Variants in NSD3 observed in about 807,000 individuals in gnomAD.
The protein encoded by NSD3 is histone-lysine N-methyltransferase NSD3.
A neutral mutation model predicts 160.8 loss-of-function variants in NSD3; 24 were observed. That is an observed-to-expected ratio of 0.15 (90% CI 0.11 to 0.21). The LOEUF is 0.21. Among genes scored for constraint, NSD3 ranks in the 10% least tolerant of loss-of-function variants. The pLI is 1.00. For missense variants in NSD3, 1,157 were observed against 1,735.9 expected (o/e 0.67, Z 5.93); for synonymous variants, 520 against 600.0 (o/e 0.87, Z 1.95).
At chr8:38,372,347 A>C (rs1423097829) in intron 1 of NSD3, among the ~76,000 whole-genome samples, 1 of 152,184 alleles carries the variant, frequency 6.6e-6, no homozygotes, top group African/African-American at 2.4e-5. Context: ...TAAGGTACTA[A>C]GATTTCAAAT....
At chr8:38,344,392 C>T (rs1487414648) in intron 2 of NSD3, among the ~76,000 whole-genome samples, 2 of 152,166 alleles carry the variant, frequency 1.3e-5, no homozygotes, top group Non-Finnish European at 2.9e-5. Context: ...GTGCCTCGGC[C>T]TCCCGAATAG....
At chr8:38,375,680 T>C (rs1291036265) in intron 1 of NSD3, among the ~76,000 whole-genome samples, 1 of 151,936 alleles carries the variant, frequency 6.6e-6, no homozygotes, top group Admixed American at 6.5e-5. Context: ...AACTTATAAA[T>C]ATAATTCATA....
intron 1 of NSD3, among the ~76,000 whole-genome samples, chr8:38,352,324 C>T (rs1244661527): frequency 6.6e-6 from 1 of 151,720 alleles, no homozygotes; most frequent in Non-Finnish European, 1.5e-5. Context: ...AATAAGACTG[C>T]ACACAAGAAA....
chr8:38,311,473 T>C (rs745722445), intron 12 of NSD3, among the ~76,000 whole-genome samples: 10 of 152,158 alleles, frequency 6.6e-5, no homozygotes, highest in Non-Finnish European at 1.5e-4. Context: ...ATTATAGGCA[T>C]GTGCCACCAT....
intron 15 of NSD3, among the ~76,000 whole-genome samples, chr8:38,297,503 A>G (rs916781967): frequency 5.3e-5 from 8 of 152,212 alleles, no homozygotes; most frequent in Non-Finnish European, 1.0e-4. Flanking sequence ...CCCTCTATGC[A>G]ACTTTATCAA....
At position 38,321,046 on chromosome 8, in the gene NSD3, T is replaced by A; in HGVS notation, c.1809+26A>T. 6.3e-7 allele frequency: 1 copy of A among 1,593,704 alleles called. No homozygotes were observed. The highest frequency in any genetic ancestry group is 8.6e-7 in the Non-Finnish European group (1 of 1,163,370). On this transcript the variant is annotated intron_variant, in intron 8 of 23. Transcript: ENST00000317025. The surrounding 1 kb of genome is among the most constrained non-coding windows in gnomAD (Gnocchi z 4.7). ...CACAACATTTACAAATACAATGTTT[T>A]AACTCTCTACATGTAGGAAGCCAAC...
intron 19 of NSD3, among the ~76,000 whole-genome samples, chr8:38,283,732 C>G (rs1808786971): frequency 6.6e-6 from 1 of 152,166 alleles, no homozygotes; most frequent in East Asian, 1.9e-4. Flanking sequence ...AGCTGCGGAG[C>G]AGTCACTACC....
intron 12 of NSD3, among the ~76,000 whole-genome samples, chr8:38,306,895 A>G (rs1809410136): frequency 6.6e-6 from 1 of 152,088 alleles, no homozygotes; most frequent in Admixed American, 6.5e-5. Flanking sequence ...CGGGTGGATC[A>G]CAAGGTCAGG....
In NSD3 at chr8:38,275,546, G is replaced by T; in HGVS notation, c.*95C>A. On this transcript the variant is annotated 3_prime_UTR_variant, in exon 24 of 24. Coordinates refer to ENST00000317025, the MANE Select transcript of NSD3 (RefSeq NM_023034.2). ...TTTGCTTTAATAAGGCAGTTCCGAT[G>T]GCAAAGGCTGTATGCACTGTAGCAG... 1 of 1,247,326 alleles carries T rather than the reference G, an allele frequency of 8.0e-7. No individual in the cohort carries two copies. Among genetic ancestry groups the T allele is most frequent in the Non-Finnish European group, 1.1e-6 (1 of 910,350 alleles). 77.3% of individuals were successfully genotyped at this position (1,247,326 alleles called of 1,614,324 possible).
chr8:38,346,382 T>G (rs1221517066), intron 2 of NSD3, among the ~76,000 whole-genome samples: 2 of 147,764 alleles, frequency 1.4e-5, no homozygotes, highest in African/African-American at 4.9e-5. Flanking sequence ...TATATATGTA[T>G]ATATAAATAT....
intron 1 of NSD3, among the ~76,000 whole-genome samples, chr8:38,348,449 G>T (rs1810587289): frequency 6.6e-6 from 1 of 151,932 alleles, no homozygotes; most frequent in South Asian, 2.1e-4. Context: ...AACAACTGTG[G>T]CAACAAGATT....
intron 4 of NSD3, among the ~76,000 whole-genome samples, chr8:38,333,868 C>A (rs934233288): frequency 2.6e-5 from 4 of 151,198 alleles, no homozygotes; most frequent in African/African-American, 7.3e-5. Flanking sequence ...AGCGAGACTC[C>A]GTCTCAAAAA....
intron 1 of NSD3, among the ~76,000 whole-genome samples, chr8:38,374,436 GAC>G (rs1165308073): frequency 6.6e-6 from 1 of 151,836 alleles, no homozygotes; most frequent in Admixed American, 6.6e-5. Flanking sequence ...GAAAAATCAG[GAC>G]ACACACAGTC....
chr8:38,326,590 ACTG>A, intron 7 of NSD3, 137 bp downstream of exon 7: 1 of 1,040,290 alleles, frequency 9.6e-7, no homozygotes, highest in Non-Finnish European at 1.3e-6. Context: ...TATTAAAGTA[ACTG>A]CTTTTATATT....
intron 2 of NSD3, among the ~76,000 whole-genome samples, chr8:38,339,724 C>CAAAAAAAAAAAAA (rs1232259132): frequency 9.3e-6 from 1 of 107,232 alleles, no homozygotes. Context: ...GACTCCATCT[C>CAAAAAAAAAAAAA]AAAAAAAAAA....
At chr8:38,335,144 C>T (rs768924477) in intron 4 of NSD3, among the ~76,000 whole-genome samples, 2 of 151,998 alleles carry the variant, frequency 1.3e-5, no homozygotes, top group Admixed American at 1.3e-4. Context: ...TGCGCCAAAA[C>T]GCCTGGCTAA....
intron 14 of NSD3, chr8:38,303,420 T>C: frequency 1.0e-6 from 1 of 985,178 alleles, no homozygotes; most frequent in South Asian, 4.7e-5. Context: ...AAAGACACAG[T>C]ACTTCCTGCT....
At chr8:38,315,804 AT>A (rs548983178) in intron 10 of NSD3, 107 bp downstream of exon 10, 2 of 1,464,640 alleles carry the variant, frequency 1.4e-6, no homozygotes, top group Middle Eastern at 2.5e-4. Context: ...AAACAAAGTG[AT>A]TTTTTTCTAT....
intron 7 of NSD3, among the ~76,000 whole-genome samples, chr8:38,324,344 T>C (rs1809857286): frequency 6.6e-6 from 1 of 152,226 alleles, no homozygotes; most frequent in South Asian, 2.1e-4. Flanking sequence ...CCTCTCCCTG[T>C]CCTGCAGCTC....
Sources: allele counts gnomAD v4.1 joint callset (sites outside exome capture counted in the v4.1 genomes callset), GRCh38; gene constraint gnomAD v4.1.1; non-coding constraint Gnocchi (gnomAD v3.1); transcripts MANE v1.5; gene names NCBI Gene and HGNC (gene_info 2026-07-23, HGNC 2026-07-21).